SYTL2: variants seen among roughly 807,000 people sequenced by gnomAD.
SYTL2 encodes synaptotagmin-like protein 2.
Under a neutral mutation model 198.7 loss-of-function variants are expected in SYTL2, and 165 were observed. The ratio of observed to expected loss-of-function variants is 0.83; its 90% CI spans 0.73 to 0.94. The LOEUF (loss-of-function observed/expected upper bound fraction) is 0.94, where lower values mean the gene tolerates loss of function less well. SYTL2 is among the 40% of genes least tolerant of loss of function. The pLI, the probability that SYTL2 is intolerant of heterozygous loss-of-function variation, is 0.00. For missense variants in SYTL2, 2,835 were observed against 2,582.8 expected, an observed-to-expected ratio of 1.10 and a Z score of -2.12; for synonymous variants, 966 against 917.7, an observed-to-expected ratio of 1.05 and a Z score of -0.95.
At position 85,734,076 on chromosome 11, in the gene SYTL2, A is replaced by G; in HGVS notation, c.1253T>C (p.Ile418Thr). 1 of 1,614,192 alleles carries G rather than the reference A, an allele frequency of 6.2e-7. No individual in the cohort carries two copies. The highest frequency in any genetic ancestry group is 8.5e-7 in the Non-Finnish European group (1 of 1,180,016). ...HQPMTSGSFP[I>T]NGLHSHSEVL... ...TTCTGAATGAGAATGCAGCCCATTAATTGGAAAAGAACCAGAAGTCATTGG... is the reference window on the plus strand; with the variant it reads ...TTCTGAATGAGAATGCAGCCCATTAGTTGGAAAAGAACCAGAAGTCATTGG... Residue 418 changes from isoleucine to threonine, a missense_variant, in exon 7 of 20, where the codon ATT (isoleucine) becomes ACT (threonine). Ile to Thr is a moderately conservative substitution (Grantham distance 89). Around this residue, in one of 3 missense-constraint regions of SYTL2, gnomAD observed 2,645 missense variants for 2,381.7 expected, o/e 1.11. Transcript: ENST00000359152.
At chr11:85,843,947 T>A in the SYTL2 span, among the ~76,000 whole-genome samples, 1 of 152,302 alleles carries the variant, frequency 6.6e-6, no homozygotes, top group East Asian at 1.9e-4. Context: ...AAAATAAGCA[T>A]CAACAAAGTG....
chr11:85,719,340 TGA>T (rs2087894128), intron 9 of SYTL2: 2 of 1,149,908 alleles, frequency 1.7e-6, no homozygotes, highest in Non-Finnish European at 2.2e-6. Context: ...CAGGCTAGTG[TGA>T]GAGTGGGTAT....
chr11:85,714,469 G>T lies in SYTL2; in HGVS notation c.5569C>A (p.His1857Asn). Reference protein sequence around the residue: ...VPTQPDNPFSHPDKLKRMSKS... With the variant: ...VPTQPDNPFSNPDKLKRMSKS... The stretch of plus-strand genomic sequence containing the variant: ...CTCATCCTTTTGAGTTTGTCAGGGT[G>T]AGAAAATGGATTATCAGGTTGTGTA... Residue 1857 changes from histidine to asparagine, a missense_variant, in exon 12 of 20, where the codon CAC becomes AAC. His to Asn is a moderately conservative substitution (Grantham distance 68). Around this residue, in one of 3 missense-constraint regions of SYTL2, gnomAD observed 2,645 missense variants for 2,381.7 expected, o/e 1.11. Transcript: ENST00000359152. The T allele has an allele frequency of 6.2e-7, 1 of 1,613,724 alleles. No individual in the cohort carries two copies.
intron 1 of SYTL2, among the ~76,000 whole-genome samples, chr11:85,785,940 T>C (rs2092628763): frequency 6.6e-6 from 1 of 152,218 alleles, no homozygotes; most frequent in South Asian, 2.1e-4. Flanking sequence ...CATAATACTA[T>C]GTTTAAAAAA....
intron 14 of SYTL2, among the ~76,000 whole-genome samples, chr11:85,709,092 C>A (rs2085778367): frequency 6.6e-6 from 1 of 152,096 alleles, no homozygotes; most frequent in Admixed American, 6.5e-5. Flanking sequence ...CCCGCCTCGG[C>A]CTCCCAAAGT....
chr11:85,837,339 G>A, the SYTL2 span, among the ~76,000 whole-genome samples: 2 of 152,118 alleles, frequency 1.3e-5, no homozygotes, highest in Admixed American at 6.6e-5. Flanking sequence ...ACCTAGCAGC[G>A]ATCTCTCTCT....
intron 1 of SYTL2, among the ~76,000 whole-genome samples, chr11:85,779,001 T>G (rs1307655184): frequency 6.6e-6 from 1 of 151,992 alleles, no homozygotes; most frequent in Non-Finnish European, 1.5e-5. Flanking sequence ...ATGAATAAAA[T>G]AAAAACAAAA....
chr11:85,811,621 A>C (rs1037615799), upstream of SYTL2, among the ~76,000 whole-genome samples: 5 of 152,072 alleles, frequency 3.3e-5, no homozygotes. Context: ...CACATGTGAA[A>C]TAGAAGAAGG....
chr11:85,702,862 A>T (rs1002206202), intron 16 of SYTL2, among the ~76,000 whole-genome samples: 1 of 152,242 alleles, frequency 6.6e-6, no homozygotes, highest in African/African-American at 2.4e-5. Flanking sequence ...AAGATACTGG[A>T]ATTTTTAAGT....
upstream of SYTL2, among the ~76,000 whole-genome samples, chr11:85,812,101 T>C (rs537586106): frequency 6.2e-4 from 95 of 152,306 alleles, no homozygotes; most frequent in African/African-American, 2.2e-3. Context: ...AGCAAGACTC[T>C]GTCTCAAAAA....
intron 4 of SYTL2, among the ~76,000 whole-genome samples, chr11:85,744,886 A>C (rs1443243416): frequency 2.0e-5 from 3 of 152,222 alleles, no homozygotes; most frequent in African/African-American, 4.8e-5. Context: ...TTATGGCTCA[A>C]AAGGTTTATA....
chr11:85,697,319 C>T (rs765516920), intron 18 of SYTL2, among the ~76,000 whole-genome samples: 11 of 152,180 alleles, frequency 7.2e-5, no homozygotes, highest in Admixed American at 2.6e-4. Flanking sequence ...GAATTATAGG[C>T]GTGAGACACC....
intron 1 of SYTL2, among the ~76,000 whole-genome samples, chr11:85,781,769 C>A (rs1334208253): frequency 6.6e-6 from 1 of 152,232 alleles, no homozygotes; most frequent in Admixed American, 6.5e-5. Context: ...AAAATGATCT[C>A]CTTTGAGATC....
chr11:85,753,587 A>C (rs1368679878), intron 2 of SYTL2, among the ~76,000 whole-genome samples: 3 of 152,068 alleles, frequency 2.0e-5, no homozygotes, highest in Non-Finnish European at 2.9e-5. Context: ...TATCCATGAA[A>C]TCAAGATGGG....
In SYTL2 at chr11:85,709,442, C is replaced by T; in HGVS notation, c.5804G>A (p.Gly1935Glu). Reference sequence around the variant, plus strand: ...ATATTCAATTGCAAACTGAATATTTCCTTTAACTTCCAGATTGCCAAAGTC... The same window carrying T: ...ATATTCAATTGCAAACTGAATATTTTCTTTAACTTCCAGATTGCCAAAGTC... ...SGDFGNLEVK[G>E]NIQFAIEYVE... The change falls in exon 14 of 20, where the codon GGA becomes GAA. Residue 1935 changes from glycine to glutamate, a missense_variant. Physicochemically the swap from Gly to Glu is moderately conservative, Grantham distance 98 (BLOSUM62 -2). This residue lies in a region of SYTL2 where 2,645 missense variants were observed against 2,381.7 expected (regional missense o/e 1.11). Transcript: ENST00000359152. The T allele has an allele frequency of 1.2e-5, 20 of 1,614,060 alleles. No individual in the cohort carries two copies. The highest frequency in any genetic ancestry group is 1.6e-5 in the Non-Finnish European group (19 of 1,179,968).
Position 85,734,234 on chromosome 11 carries a change from C to T in SYTL2, c.1095G>A (p.Leu365=). Residue 365 remains leucine, a synonymous_variant, in exon 7 of 20, where the codon TTG becomes TTA. Coordinates refer to ENST00000359152, the MANE Select transcript of SYTL2 (RefSeq NM_206927.4). ...GEFSVLESDR[L]KNGMEDAGDT... is the part of the protein sequence containing the mutation. ...CCCCTGCATCTTCCATTCCATTTTTCAATCTGTCAGATTCTAAAACACTAA... is the reference window on the plus strand; with the variant it reads ...CCCCTGCATCTTCCATTCCATTTTTTAATCTGTCAGATTCTAAAACACTAA... The T allele has an allele frequency of 6.2e-7, 1 of 1,614,202 alleles. No homozygotes were observed. The highest frequency in any genetic ancestry group is 8.5e-7 in the Non-Finnish European group (1 of 1,180,018).
At chr11:85,797,528 T>C (rs911377331) in intron 1 of SYTL2, among the ~76,000 whole-genome samples, 6 of 150,306 alleles carry the variant, frequency 4.0e-5, no homozygotes, top group African/African-American at 1.5e-4. Context: ...CTTGGGAAGC[T>C]GAGGCACAAG....
At chr11:85,815,312 T>C (rs2093060089), upstream of SYTL2, among the ~76,000 whole-genome samples, 1 of 152,212 alleles carries the variant, frequency 6.6e-6, no homozygotes, top group South Asian at 2.1e-4. Context: ...TGCTATATAA[T>C]TATATCTGGC....
At chr11:85,799,263 G>A (rs1481647842) in intron 1 of SYTL2, among the ~76,000 whole-genome samples, 1 of 152,138 alleles carries the variant, frequency 6.6e-6, no homozygotes, top group Non-Finnish European at 1.5e-5. Context: ...AGCGCTCTAA[G>A]AACTTTTGGA....
Sources: allele counts gnomAD v4.1 joint callset (sites outside exome capture counted in the v4.1 genomes callset), GRCh38; gene constraint gnomAD v4.1.1; regional missense constraint gnomAD v4.1.1; transcripts MANE v1.5; gene names NCBI Gene and HGNC (gene_info 2026-07-23, HGNC 2026-07-21).